ROBO1: variants seen among roughly 807,000 people sequenced by gnomAD.
ROBO1 encodes the protein roundabout homolog 1.
ROBO1 carries 149 observed loss-of-function variants against 195.9 expected under a neutral mutation model. The ratio of observed to expected loss-of-function variants is 0.76; its 90% CI spans 0.67 to 0.87. The LOEUF (loss-of-function observed/expected upper bound fraction) is 0.87. Ranked by LOEUF, ROBO1 falls within the 40% of genes least tolerant of loss-of-function variation. The pLI is 0.00. For synonymous variants in ROBO1, 816 were observed against 733.2 expected, an observed-to-expected ratio of 1.11 and a Z score of -1.82; for missense variants, 1,933 against 2,068.3, an observed-to-expected ratio of 0.93 and a Z score of 1.27.
In ROBO1 at chr3:78,647,877, C is replaced by T. The variant is rs545762266; in HGVS notation, c.2813-222G>A. Among the ~76,000 whole-genome samples, 3 of 152,158 alleles carry T rather than the reference C, an allele frequency of 2.0e-5. No individual in the cohort carries two copies. The East Asian group carries it at 5.8e-4, about 29-fold the overall frequency. On this transcript the variant is annotated intron_variant, in intron 19 of 30. Transcript: ENST00000464233. Reference sequence around the variant, plus strand: ...TTGAAGTGTCTGACATTCTAGTACACTCAGGAAGGGAATTATGCTAGGTTA... The same window carrying T: ...TTGAAGTGTCTGACATTCTAGTACATTCAGGAAGGGAATTATGCTAGGTTA...
At chr3:79,506,314 G>A (rs1940392559) in intron 2 of ROBO1, among the ~76,000 whole-genome samples, 1 of 152,084 alleles carries the variant, frequency 6.6e-6, no homozygotes, top group African/African-American at 2.4e-5. Flanking sequence ...TGCCTAACCA[G>A]CAACGGGGTG....
chr3:78,796,767 T>C (rs1249233794), intron 4 of ROBO1, among the ~76,000 whole-genome samples: 1 of 152,184 alleles, frequency 6.6e-6, no homozygotes, highest in African/African-American at 2.4e-5. Context: ...TAACTCCCTG[T>C]GTCTCTAAAC....
intron 2 of ROBO1, among the ~76,000 whole-genome samples, chr3:79,503,862 A>G (rs1367857237): frequency 6.6e-6 from 1 of 152,226 alleles, no homozygotes; most frequent in Non-Finnish European, 1.5e-5. Context: ...CCTTTCAATT[A>G]GGATAAACTT....
chr3:79,603,800 G>A (rs1054079234), intron 1 of ROBO1, among the ~76,000 whole-genome samples: 10 of 151,974 alleles, frequency 6.6e-5, no homozygotes, highest in Admixed American at 5.9e-4. Context: ...TGAATAAGAT[G>A]TACTGACATT....
At chr3:79,270,144 T>A (rs962739122) in intron 2 of ROBO1, among the ~76,000 whole-genome samples, 2 of 151,260 alleles carry the variant, frequency 1.3e-5, no homozygotes, top group Non-Finnish European at 3.0e-5. Flanking sequence ...TTGTCGATGT[T>A]CCTTGGGGAA....
chr3:79,104,974 G>A (rs886640639), intron 3 of ROBO1, among the ~76,000 whole-genome samples: 43 of 151,710 alleles, frequency 2.8e-4, no homozygotes, highest in African/African-American at 9.7e-4. Context: ...ATGGCATGGA[G>A]AAACTGACTT....
intron 4 of ROBO1, among the ~76,000 whole-genome samples, chr3:78,856,988 A>ACAG (rs1156319848): frequency 1.3e-5 from 2 of 152,164 alleles, no homozygotes; most frequent in East Asian, 3.9e-4. Flanking sequence ...AACAATGTTT[A>ACAG]CAGCATTAAC....
intron 1 of ROBO1, among the ~76,000 whole-genome samples, chr3:79,623,562 C>G (rs925050483): frequency 1.3e-5 from 2 of 152,114 alleles, no homozygotes; most frequent in Non-Finnish European, 2.9e-5. Flanking sequence ...TAAGAATCAA[C>G]AGTTGAATCT....
At chr3:79,752,432 A>G (rs1704168818) in intron 1 of ROBO1, among the ~76,000 whole-genome samples, 2 of 152,280 alleles carry the variant, frequency 1.3e-5, no homozygotes, top group African/African-American at 2.4e-5. Context: ...CAGGCATTGA[A>G]TAAGTATGAT....
intron 4 of ROBO1, among the ~76,000 whole-genome samples, chr3:78,870,598 T>C (rs2107137994): frequency 6.6e-6 from 1 of 152,300 alleles, no homozygotes; most frequent in East Asian, 1.9e-4. Context: ...TGCACTGCCT[T>C]ACCAAAAGGA....
chr3:78,723,231 G>A (rs1228192778), intron 5 of ROBO1, among the ~76,000 whole-genome samples: 2 of 152,036 alleles, frequency 1.3e-5, no homozygotes, highest in African/African-American at 2.4e-5. Flanking sequence ...AAAACTTGCC[G>A]TTGTGTTAGA....
intron 8 of ROBO1, among the ~76,000 whole-genome samples, chr3:78,706,443 G>A (rs921832539): frequency 6.6e-6 from 1 of 152,056 alleles, no homozygotes; most frequent in Non-Finnish European, 1.5e-5. Context: ...TTTATGGAAG[G>A]AATTAATATA....
chr3:79,156,016 A>G lies in ROBO1; in HGVS notation c.89-30477T>C, dbSNP rs2080852024. The stretch of plus-strand genomic sequence containing the variant: ...TTTACAGTTTCTCTGCAAAATCTGA[A>G]AGGTTCTTGATCATTTAGCTACAGC... On this transcript the variant is annotated intron_variant, in intron 2 of 30. Coordinates refer to ENST00000464233, the MANE Select transcript of ROBO1 (RefSeq NM_002941.4). Among the ~76,000 whole-genome samples, 5 of 151,818 alleles carry G rather than the reference A, an allele frequency of 3.3e-5. No homozygotes were observed. The South Asian group carries it at 1.0e-3, about 31-fold the overall frequency.
intron 2 of ROBO1, among the ~76,000 whole-genome samples, chr3:79,355,038 C>T (rs369173763): frequency 6.6e-6 from 1 of 151,960 alleles, no homozygotes; most frequent in Non-Finnish European, 1.5e-5. Context: ...TGGTGGCGGG[C>T]GCCTGTAATC....
intron 3 of ROBO1, among the ~76,000 whole-genome samples, chr3:78,975,998 T>G (rs188677469): frequency 1.3e-5 from 2 of 152,188 alleles, no homozygotes; most frequent in Non-Finnish European, 2.9e-5. Flanking sequence ...AAAGTCAGCC[T>G]AATTTTGTTC....
At chr3:79,646,350 C>T (rs1313853367) in intron 1 of ROBO1, among the ~76,000 whole-genome samples, 3 of 152,000 alleles carry the variant, frequency 2.0e-5, no homozygotes, top group Non-Finnish European at 4.4e-5. Context: ...AAATCAAACG[C>T]ACAATGATAT....
chr3:79,541,795 A>G (rs1014469982), intron 2 of ROBO1, among the ~76,000 whole-genome samples: 2 of 141,294 alleles, frequency 1.4e-5, no homozygotes, highest in African/African-American at 2.6e-5. Flanking sequence ...ATGTATATAC[A>G]TATATGTGTA....
intron 1 of ROBO1, among the ~76,000 whole-genome samples, chr3:79,678,374 G>A (rs886209173): frequency 1.3e-5 from 2 of 151,716 alleles, no homozygotes; most frequent in East Asian, 1.9e-4. Flanking sequence ...CTATTATATC[G>A]ATAAGCATTT....
chr3:79,665,938 C>G (rs570741464), intron 1 of ROBO1, among the ~76,000 whole-genome samples: 2 of 151,812 alleles, frequency 1.3e-5, no homozygotes, highest in South Asian at 4.1e-4. Context: ...TAGACTGTGG[C>G]TACCTGGTGT....
Sources: allele counts gnomAD v4.1 joint callset (sites outside exome capture counted in the v4.1 genomes callset), GRCh38; gene constraint gnomAD v4.1.1; transcripts MANE v1.5; gene names NCBI Gene and HGNC (gene_info 2026-07-23, HGNC 2026-07-21).